Variants in TMEM131L observed in about 807,000 individuals in gnomAD.
The protein encoded by TMEM131L is transmembrane protein 131-like.
A neutral mutation model predicts 192.2 loss-of-function variants in TMEM131L; 54 were observed. The ratio of observed to expected loss-of-function variants is 0.28; its 90% CI spans 0.23 to 0.35. The LOEUF (loss-of-function observed/expected upper bound fraction) is 0.35. TMEM131L is among the 10% of genes least tolerant of loss of function. TMEM131L has a pLI of 1.00. For synonymous variants in TMEM131L, 701 were observed against 704.9 expected (o/e 0.99, Z 0.09); for missense variants, 1,888 against 1,972.9 (o/e 0.96, Z 0.82).
rs199830510 is a variant in TMEM131L at position 153,528,816 on chromosome 4, T to G, written c.240-21257T>G. Among the ~76,000 whole-genome samples the G allele has an allele frequency of 5.9e-5, 9 of 152,246 alleles. No homozygotes were observed. In the East Asian group the frequency reaches 1.5e-3, roughly 26 times the overall value. ...GAGCCAACCCCTCCCTCGGAGAGTG[T>G]GGGCCACAGATAGGGTAGACTTTGA... On this transcript the variant is annotated intron_variant, in intron 3 of 34. Transcript: ENST00000409959.
At chr4:153,483,655 T>C (rs1385089321) in intron 3 of TMEM131L, among the ~76,000 whole-genome samples, 2 of 152,174 alleles carry the variant, frequency 1.3e-5, no homozygotes, top group Non-Finnish European at 2.9e-5. Flanking sequence ...ATTTTGCCAC[T>C]GTACTCCAGC....
At position 153,545,723 on chromosome 4, in the gene TMEM131L, CAT is replaced by C. The variant is rs528724938; in HGVS notation, c.240-4349_240-4348del. 1.5e-4 allele frequency among the ~76,000 whole-genome samples: 23 copies of C among 152,222 alleles called. No homozygotes were observed. The South Asian group carries it at 2.7e-3, about 18-fold the overall frequency. On this transcript the variant is annotated intron_variant, in intron 3 of 34. Transcript: ENST00000409959. ...AGATCAATGTTTTTTCAAAATAAGA[CAT>C]GTGGAAATCCTTGTCTACAGGTCCT...
chr4:153,590,136 TAAAGGCCATGC>T (rs1233804274), intron 16 of TMEM131L, among the ~76,000 whole-genome samples: 1 of 152,242 alleles, frequency 6.6e-6, no homozygotes, highest in Non-Finnish European at 1.5e-5. Context: ...AGAATCCATT[TAAAGGCCATGC>T]ATTGCATTTG....
chr4:153,564,129 A>G (rs1729032852), intron 7 of TMEM131L, among the ~76,000 whole-genome samples: 1 of 151,824 alleles, frequency 6.6e-6, no homozygotes, highest in African/African-American at 2.4e-5. Context: ...TCTCTACTAA[A>G]AATACAAAAA....
chr4:153,477,690 A>T (rs71620262), intron 3 of TMEM131L, among the ~76,000 whole-genome samples: 36,843 of 151,914 alleles, frequency 0.24, 5,009 homozygotes, highest in South Asian at 0.4. Context: ...GTGCTTTTTT[A>T]TTTATAAAAA....
chr4:153,597,849 C>T lies in TMEM131L; in HGVS notation c.2124-741C>T, dbSNP rs916112051. 4.6e-5 allele frequency among the ~76,000 whole-genome samples: 7 copies of T among 152,074 alleles called. No individual in the cohort carries two copies. The East Asian group carries it at 1.4e-3, about 29-fold the overall frequency. ...TTGGGAGGCTGAGGTAGGAGGATTG[C>T]GTGAGCCTGGGAGGTTGAGGCTGCA... is the stretch of plus-strand genomic sequence containing the variant. On this transcript the variant is annotated intron_variant, in intron 20 of 34. Transcript: ENST00000409959.
chr4:153,582,420 GTTTTTTTTTGTTGTTT>G lies in TMEM131L; in HGVS notation c.893-760_893-745del, dbSNP rs1441604311. ...CCACTATGCCTGGCTAATTTAAACC[GTTTTTTTTTGTTGTTT>G]TTTTTTTTTTTTTTTTTTTTTTTGT... On this transcript the variant is annotated intron_variant, in intron 9 of 34. Coordinates refer to ENST00000409959, the MANE Select transcript of TMEM131L (RefSeq NM_001131007.2). 4.9e-5 allele frequency among the ~76,000 whole-genome samples: 4 copies of G among 81,844 alleles called. 1 individual carries two copies. The highest frequency in any genetic ancestry group is 1.6e-4 in the African/African-American group (3 of 18,240). 53.7% of individuals were successfully genotyped at this position (81,844 alleles called of 152,430 possible). A position where few individuals can be genotyped will look rare whatever the true frequency, so the allele number is the denominator to read the frequency against.
At chr4:153,572,453 C>A (rs1230095731) in intron 7 of TMEM131L, among the ~76,000 whole-genome samples, 1 of 152,160 alleles carries the variant, frequency 6.6e-6, no homozygotes, top group Non-Finnish European at 1.5e-5. Flanking sequence ...GCCTCAGCCT[C>A]CCAAGTAGCT....
At chr4:153,568,617 G>A (rs971327509) in intron 7 of TMEM131L, among the ~76,000 whole-genome samples, 1 of 152,204 alleles carries the variant, frequency 6.6e-6, no homozygotes, top group African/African-American at 2.4e-5. Context: ...AATATAACAT[G>A]TAGTAAATCA....
intron 6 of TMEM131L, among the ~76,000 whole-genome samples, 200 bp downstream of exon 6, chr4:153,557,282 T>C (rs1291010143): frequency 6.6e-6 from 1 of 152,222 alleles, no homozygotes; most frequent in Non-Finnish European, 1.5e-5. Flanking sequence ...TTCCTACTGA[T>C]GACGGAGCTA....
intron 12 of TMEM131L, 35 bp downstream of exon 12, chr4:153,584,966 GGTT>G (rs751126013): frequency 7.8e-5 from 113 of 1,456,300 alleles, no homozygotes; most frequent in Non-Finnish European, 9.0e-5. Flanking sequence ...AATCTTGTAT[GGTT>G]GTTGTTGTTG....
intron 25 of TMEM131L, among the ~76,000 whole-genome samples, chr4:153,612,017 T>TCC (rs70963192): frequency 0.025 from 3,728 of 151,688 alleles, 67 homozygotes; most frequent in Non-Finnish European, 0.04. Context: ...AATATTGGTG[T>TCC]CCCCCCCCAC....
At chr4:153,476,435 C>T (rs565526832) in intron 3 of TMEM131L, among the ~76,000 whole-genome samples, 31 of 152,246 alleles carry the variant, frequency 2.0e-4, no homozygotes, top group African/African-American at 6.5e-4. Context: ...CAGTGGCTGA[C>T]GCCTGTAATC....
rs550429512 is a variant in TMEM131L, at chr4:153,477,353, G to C, written c.239+3465G>C. Reference sequence around the variant, plus strand: ...TCGGAGGCCAGGGCTGCAGACCCAGGTGTGGGTGTGTGCAGCCCATAGAGA... The same window carrying C: ...TCGGAGGCCAGGGCTGCAGACCCAGCTGTGGGTGTGTGCAGCCCATAGAGA... On this transcript the variant is annotated intron_variant, in intron 3 of 34. Transcript: ENST00000409959. Among the ~76,000 whole-genome samples the C allele has an allele frequency of 2.2e-3, 331 of 152,282 alleles. 1 individual carries two copies. Among genetic ancestry groups the C allele is most frequent in the African/African-American group, 7.6e-3 (316 of 41,560 alleles).
chr4:153,516,460 G>A (rs7668753), intron 3 of TMEM131L, among the ~76,000 whole-genome samples: 4,762 of 152,186 alleles, frequency 0.031, 248 homozygotes, highest in African/African-American at 0.1. Flanking sequence ...GAAATCCTGG[G>A]CTCAAACAAT....
chr4:153,569,907 A>G (rs1389124961), intron 7 of TMEM131L, among the ~76,000 whole-genome samples: 1 of 152,164 alleles, frequency 6.6e-6, no homozygotes, highest in African/African-American at 2.4e-5. Flanking sequence ...AGAACCCCCA[A>G]CGGGACATGA....
chr4:153,574,524 G>A (rs1331217033), intron 7 of TMEM131L, among the ~76,000 whole-genome samples: 1 of 152,192 alleles, frequency 6.6e-6, no homozygotes, highest in Non-Finnish European at 1.5e-5. Flanking sequence ...ATAATACTGT[G>A]TGTGGGGGCC....
intron 4 of TMEM131L, among the ~76,000 whole-genome samples, chr4:153,551,431 C>T (rs994439729): frequency 1.7e-4 from 26 of 151,846 alleles, no homozygotes; most frequent in African/African-American, 6.3e-4. Flanking sequence ...AGTGTCGGCT[C>T]ACTGCAGCCT....
At chr4:153,504,791 AAGC>A (rs1561139361) in intron 3 of TMEM131L, among the ~76,000 whole-genome samples, 1 of 152,214 alleles carries the variant, frequency 6.6e-6, no homozygotes, top group African/African-American at 2.4e-5. Flanking sequence ...GATACATGAG[AAGC>A]AGAATCCTTG....
Sources: allele counts gnomAD v4.1 joint callset (sites outside exome capture counted in the v4.1 genomes callset), GRCh38; gene constraint gnomAD v4.1.1; transcripts MANE v1.5; gene names NCBI Gene and HGNC (gene_info 2026-07-23, HGNC 2026-07-21).